EFL1: variants seen among roughly 807,000 people sequenced by gnomAD.
EFL1 encodes elongation factor-like GTPase 1.
EFL1 carries 76 observed loss-of-function variants against 126.7 expected under a neutral mutation model. That is an observed-to-expected ratio of 0.60 (90% confidence interval 0.50 to 0.73). The LOEUF (loss-of-function observed/expected upper bound fraction) is 0.73. Among genes scored for constraint, EFL1 ranks in the 30% least tolerant of loss-of-function variants. EFL1 has a pLI of 0.00. For synonymous variants in EFL1, 410 were observed against 448.4 expected (o/e 0.91, Z 1.08); for missense variants, 1,128 against 1,343.2 (o/e 0.84, Z 2.50).
intron 15 of EFL1, among the ~76,000 whole-genome samples, chr15:82,187,919 AATAACT>A (rs2074319527): frequency 6.6e-6 from 1 of 152,124 alleles, no homozygotes; most frequent in African/African-American, 2.4e-5. Flanking sequence ...ATTTCACGGT[AATAACT>A]ATAACAGTGA....
At chr15:82,155,748 T>C (rs891239986) in intron 17 of EFL1, among the ~76,000 whole-genome samples, 12 of 152,224 alleles carry the variant, frequency 7.9e-5, no homozygotes, top group African/African-American at 2.7e-4. Flanking sequence ...CTTGATAATA[T>C]CACTTAAAAA....
intron 18 of EFL1, among the ~76,000 whole-genome samples, chr15:82,144,749 C>G (rs2073824732): frequency 6.6e-6 from 1 of 152,074 alleles, no homozygotes; most frequent in Non-Finnish European, 1.5e-5. Flanking sequence ...AATCACAGCA[C>G]TTTGGGAGGC....
chr15:82,249,294 T>C (rs1187910438), intron 4 of EFL1, among the ~76,000 whole-genome samples: 1 of 151,314 alleles, frequency 6.6e-6, no homozygotes. Context: ...GAAATATATA[T>C]ATAAATAAAT....
chr15:82,226,392 T>C (rs1015555352), intron 11 of EFL1, among the ~76,000 whole-genome samples: 37 of 151,988 alleles, frequency 2.4e-4, no homozygotes, highest in African/African-American at 7.3e-4. Context: ...AGTGAAAACA[T>C]TGGGAAATAG....
chr15:82,163,383 A>C (rs867721234), intron 16 of EFL1, among the ~76,000 whole-genome samples: 3 of 152,198 alleles, frequency 2.0e-5, no homozygotes, highest in Non-Finnish European at 4.4e-5. Context: ...TCTACTAAAA[A>C]TACAAAAATT....
intron 4 of EFL1, among the ~76,000 whole-genome samples, chr15:82,249,978 G>T (rs1463712412): frequency 1.3e-5 from 2 of 152,020 alleles, no homozygotes; most frequent in South Asian, 4.1e-4. Context: ...ACCACAGAAA[G>T]GGCTTAACTT....
At chr15:82,241,203 A>C (rs1235115130) in intron 5 of EFL1, 67 bp downstream of exon 5, 18 of 1,579,860 alleles carry the variant, frequency 1.1e-5, no homozygotes, top group Non-Finnish European at 1.5e-5. Context: ...AAATGCCTAA[A>C]GTCAGTCAGT....
At chr15:82,142,515 T>C (rs1486398752) in intron 18 of EFL1, among the ~76,000 whole-genome samples, 5 of 151,752 alleles carry the variant, frequency 3.3e-5, no homozygotes, top group Admixed American at 2.0e-4. Context: ...CAGGAAGGAA[T>C]TGACAGAAGG....
At chr15:82,207,307 T>TATATATAC (rs141904056) in intron 15 of EFL1, among the ~76,000 whole-genome samples, 1 of 145,418 alleles carries the variant, frequency 6.9e-6, no homozygotes, top group African/African-American at 2.6e-5. Flanking sequence ...TATATATATA[T>TATATATAC]ACACACACAC....
intron 15 of EFL1, among the ~76,000 whole-genome samples, chr15:82,169,982 T>C (rs1312021800): frequency 6.6e-6 from 1 of 152,014 alleles, no homozygotes; most frequent in Non-Finnish European, 1.5e-5. Flanking sequence ...TTTTTGTTCA[T>C]GTGAAGACAG....
intron 4 of EFL1, among the ~76,000 whole-genome samples, chr15:82,250,717 A>G (rs2075013174): frequency 6.6e-6 from 1 of 152,110 alleles, no homozygotes; most frequent in African/African-American, 2.4e-5. Context: ...GGATCCATAA[A>G]CTTTTACTGA....
At chr15:82,160,859 G>A (rs1311750514) in intron 16 of EFL1, among the ~76,000 whole-genome samples, 1 of 152,192 alleles carries the variant, frequency 6.6e-6, no homozygotes, top group East Asian at 1.9e-4. Context: ...ATGTGAAGAT[G>A]AGAATAAAAA....
chr15:82,147,218 G>A (rs1595941026), intron 18 of EFL1, among the ~76,000 whole-genome samples: 1 of 152,118 alleles, frequency 6.6e-6, no homozygotes, highest in African/African-American at 2.4e-5. Flanking sequence ...GAATAATGTA[G>A]AAGAGATGGC....
At chr15:82,155,042 C>T (rs1198448335) in intron 17 of EFL1, among the ~76,000 whole-genome samples, 2 of 152,148 alleles carry the variant, frequency 1.3e-5, no homozygotes. Context: ...GAAGTGGCTT[C>T]TTCTGTTCAA....
intron 18 of EFL1, among the ~76,000 whole-genome samples, chr15:82,139,491 TTTCAA>T (rs1423083739): frequency 6.6e-6 from 1 of 152,332 alleles, no homozygotes; most frequent in South Asian, 2.1e-4. Flanking sequence ...TGGATGACTC[TTTCAA>T]TTCATCTTTA....
chr15:82,217,529 T>TA (rs55892674), intron 14 of EFL1, among the ~76,000 whole-genome samples: 30,346 of 145,548 alleles, frequency 0.21, 3,241 homozygotes, highest in Non-Finnish European at 0.26. Context: ...CTCACAAAGT[T>TA]AAAAAAAAAA....
At chr15:82,162,416 G>T (rs1442649134) in intron 16 of EFL1, among the ~76,000 whole-genome samples, 1 of 152,156 alleles carries the variant, frequency 6.6e-6, no homozygotes. Context: ...ATAAGCTATG[G>T]TTGCCAGACT....
chr15:82,195,378 T>C (rs1327719187), intron 15 of EFL1, among the ~76,000 whole-genome samples: 1 of 152,198 alleles, frequency 6.6e-6, no homozygotes, highest in East Asian at 1.9e-4. Flanking sequence ...GTGTATCTCA[T>C]GTCTGGGCAG....
intron 15 of EFL1, among the ~76,000 whole-genome samples, chr15:82,174,590 G>C (rs984279793): frequency 1.3e-5 from 2 of 152,094 alleles, no homozygotes; most frequent in African/African-American, 4.8e-5. Flanking sequence ...TGCCAGACTT[G>C]GATTTCATGG....
Sources: gnomAD v4.1 joint callset for allele counts (sites outside exome capture counted in the v4.1 genomes callset) on GRCh38, gnomAD v4.1.1 for gene constraint, MANE v1.5 for transcripts, NCBI Gene and HGNC (gene_info 2026-07-23, HGNC 2026-07-21) for gene names.